LAMB4: variants seen among roughly 807,000 people sequenced by gnomAD.
LAMB4 encodes the protein laminin subunit beta 4, also known as laminin subunit beta-4.
LAMB4 carries 196 observed loss-of-function variants against 199.2 expected under a neutral mutation model. The observed-to-expected ratio is 0.98, with a 90% confidence interval of 0.88 to 1.11. The LOEUF (loss-of-function observed/expected upper bound fraction) is 1.11, where lower values mean the gene tolerates loss of function less well. Among genes scored for constraint, LAMB4 ranks in the 50% least tolerant of loss-of-function variants. The probability of loss-of-function intolerance (pLI) is 0.00; values close to 1 mark genes in which losing one functional copy is unlikely to be tolerated. For synonymous variants in LAMB4, 744 were observed against 770.6 expected (o/e 0.97, Z 0.57); for missense variants, 2,080 against 2,171.2 (o/e 0.96, Z 0.83).
intron 20 of LAMB4, among the ~76,000 whole-genome samples, 166 bp from the exon 21 acceptor site, chr7:108,066,085 A>G (rs1264640193): frequency 1.3e-5 from 2 of 152,214 alleles, no homozygotes; most frequent in Non-Finnish European, 2.9e-5. Flanking sequence ...CAAAAGTCTC[A>G]ACGTATGGTC....
At chr7:108,112,336 C>G (rs1244226517) in intron 3 of LAMB4, among the ~76,000 whole-genome samples, 1 of 148,402 alleles carries the variant, frequency 6.7e-6, no homozygotes, top group East Asian at 2.0e-4. Flanking sequence ...TTTTTTGAGA[C>G]AGAGTCTCAT....
At chr7:108,086,034 C>T (rs1185610350) in intron 14 of LAMB4, among the ~76,000 whole-genome samples, 1 of 152,210 alleles carries the variant, frequency 6.6e-6, no homozygotes, top group Non-Finnish European at 1.5e-5. Flanking sequence ...CAGCTGCCAG[C>T]TCCTGGGACT....
In LAMB4 at chr7:108,043,545, G is replaced by GTTTTTTT. The variant is rs748169558; in HGVS notation, c.4471+200_4471+206dup. ...AATATAATTTGGAACTGGCTATGAT[G>GTTTTTTT]TTTTTTTTTTTTTTTTTTTTTTTTT... On this transcript the variant is annotated intron_variant, in intron 29 of 33. Transcript: ENST00000388781. Among the ~76,000 whole-genome samples, 45 of 55,966 alleles carry GTTTTTTT rather than the reference G, an allele frequency of 8.0e-4. 4 individuals are homozygous for GTTTTTTT. Among genetic ancestry groups the GTTTTTTT allele is most frequent in the Non-Finnish European group, 1.1e-3 (39 of 34,510 alleles). The allele number at this position is 55,966 out of a possible 152,430, so 36.7% of individuals were successfully genotyped here. A position where few individuals can be genotyped will look rare whatever the true frequency, so the allele number is the denominator to read the frequency against.
At chr7:108,013,963 A>G in the LAMB4 span, among the ~76,000 whole-genome samples, 1 of 152,190 alleles carries the variant, frequency 6.6e-6, no homozygotes, top group African/African-American at 2.4e-5. Flanking sequence ...ATGACAAAAA[A>G]GTATGTAACT....
At position 108,092,362 on chromosome 7, in the gene LAMB4, C is replaced by A; in HGVS notation, c.1525G>T (p.Asp509Tyr). The stretch of plus-strand genomic sequence containing the variant: ...ACGTTAGAATAAGCACCTCCAATAT[C>A]ACAGTCACAGGGAGAACACCCATGG... ...HLHGCSPCDC[D>Y]IGGAYSNVCS... Residue 509 changes from aspartate (D) to tyrosine (Y), a missense_variant, in exon 13 of 34, where the codon GAT (aspartate) becomes TAT (tyrosine). Asp to Tyr is a radical substitution (Grantham distance 160). Coordinates refer to ENST00000388781, the MANE Select transcript of LAMB4 (RefSeq NM_007356.3). The A allele has an allele frequency of 6.2e-7, 1 of 1,613,932 alleles. No homozygotes were observed. Among genetic ancestry groups the A allele is most frequent in the African/African-American group, 1.3e-5 (1 of 75,014 alleles).
Position 108,106,032 on chromosome 7 carries a change from C to A in LAMB4, c.656-1G>T. ...CTCAGGTTTGTCAATGTCACAAGGTCTAAAGAAAGGAAAATAATGAATCAA... is the reference window on the plus strand; with the variant it reads ...CTCAGGTTTGTCAATGTCACAAGGTATAAAGAAAGGAAAATAATGAATCAA... On this transcript the variant is annotated splice_acceptor_variant, in intron 7 of 33. Coordinates refer to ENST00000388781, the MANE Select transcript of LAMB4 (RefSeq NM_007356.3). LOFTEE classifies it high-confidence loss of function. The A allele has an allele frequency of 6.2e-7, 1 of 1,610,780 alleles. No individual in the cohort carries two copies. The highest frequency in any genetic ancestry group is 1.1e-5 in the South Asian group (1 of 90,960).
intron 24 of LAMB4, 149 bp from the exon 25 acceptor site, chr7:108,056,156 T>G: frequency 1.4e-6 from 1 of 700,748 alleles, no homozygotes; most frequent in Non-Finnish European, 2.3e-6. Flanking sequence ...TTCAGAGATC[T>G]GTGCAATAGC....
chr7:108,094,327 G>A (rs2037517324), intron 12 of LAMB4, among the ~76,000 whole-genome samples: 1 of 152,194 alleles, frequency 6.6e-6, no homozygotes, highest in African/African-American at 2.4e-5. Flanking sequence ...GGTCATGGAG[G>A]TTGGCGTGGC....
Position 108,068,026 on chromosome 7 carries a change from G to C in LAMB4, c.2436C>G (p.His812Gln), listed in dbSNP as rs370747999. The change falls in exon 19 of 34, where the codon CAC (histidine) becomes CAG (glutamine). Residue 812 changes from histidine (H) to glutamine (Q), a missense_variant. Coordinates refer to ENST00000388781, the MANE Select transcript of LAMB4 (RefSeq NM_007356.3). ...TGTTTTGCTACGTACGGTGACAGCC[G>C]TGATGCCCCAAATCATAGCTTCCAG... The part of the protein sequence containing the change: ...CSTGSYDLGH[H>Q]GCHPCHCHPQ... The C allele has an allele frequency of 1.2e-6, 2 of 1,614,162 alleles. No homozygotes were observed. Among genetic ancestry groups the C allele is most frequent in the Admixed American group, 3.3e-5 (2 of 60,018 alleles).
At chr7:108,086,098 A>G (rs1057131084) in intron 14 of LAMB4, among the ~76,000 whole-genome samples, 1 of 152,110 alleles carries the variant, frequency 6.6e-6, no homozygotes, top group Non-Finnish European at 1.5e-5. Flanking sequence ...CTGTTGGCTG[A>G]TGAGAGCCAC....
intron 1 of LAMB4, among the ~76,000 whole-genome samples, chr7:108,126,518 G>A (rs1297216806): frequency 6.8e-6 from 1 of 146,734 alleles, no homozygotes; most frequent in African/African-American, 2.5e-5. Flanking sequence ...TGTCCTAAAG[G>A]TTCATCCATG....
At position 108,123,192 on chromosome 7, in the gene LAMB4, A is replaced by G; in HGVS notation, c.-28T>C. On this transcript the variant is annotated 5_prime_UTR_variant, in exon 2 of 34. Coordinates refer to ENST00000388781, the MANE Select transcript of LAMB4 (RefSeq NM_007356.3). ...TTTTGTCAGGAGATGATTAAATTCAATTCTACTGGGTTAAAAAAAGGTTAA... is the reference window on the plus strand; with the variant it reads ...TTTTGTCAGGAGATGATTAAATTCAGTTCTACTGGGTTAAAAAAAGGTTAA... 6.3e-7 allele frequency: 1 copy of G among 1,593,454 alleles called. No individual in the cohort carries two copies. The highest frequency in any genetic ancestry group is 1.1e-5 in the South Asian group (1 of 88,468).
chr7:108,055,171 T>C (rs1469219347), intron 25 of LAMB4, among the ~76,000 whole-genome samples: 1 of 149,214 alleles, frequency 6.7e-6, no homozygotes, highest in East Asian at 1.9e-4. Context: ...AAAGTAGACA[T>C]ACATGATTTC....
chr7:108,072,089 A>C (rs922156017), intron 17 of LAMB4, among the ~76,000 whole-genome samples: 2 of 152,190 alleles, frequency 1.3e-5, no homozygotes, highest in Admixed American at 6.5e-5. Context: ...TATTACAGGC[A>C]TTTAGAAGGT....
intron 3 of LAMB4, 84 bp downstream of exon 3, chr7:108,115,920 G>C: frequency 2.1e-6 from 3 of 1,411,274 alleles, no homozygotes; most frequent in Non-Finnish European, 2.9e-6. Context: ...CTCCTTTAAT[G>C]TCTGAGTAGC....
intron 14 of LAMB4, among the ~76,000 whole-genome samples, chr7:108,083,234 A>G (rs952610184): frequency 2.0e-5 from 3 of 152,164 alleles, no homozygotes; most frequent in African/African-American, 4.8e-5. Context: ...GTATGTTCAC[A>G]GTCTTGCTCC....
At chr7:108,023,191 GTA>G (rs1034928456), downstream of LAMB4, among the ~76,000 whole-genome samples, 4 of 152,148 alleles carry the variant, frequency 2.6e-5, no homozygotes, top group African/African-American at 9.7e-5. Context: ...CAATGTTGAT[GTA>G]TATTATTTCT....
At chr7:108,061,644 C>T (rs1310636507) in intron 23 of LAMB4, among the ~76,000 whole-genome samples, 1 of 150,098 alleles carries the variant, frequency 6.7e-6, no homozygotes, top group Non-Finnish European at 1.5e-5. Context: ...GAGGCTGACG[C>T]AGGAGAATCG....
At chr7:108,035,196 C>G (rs538265406) in intron 30 of LAMB4, among the ~76,000 whole-genome samples, 1 of 152,196 alleles carries the variant, frequency 6.6e-6, no homozygotes, top group Non-Finnish European at 1.5e-5. Flanking sequence ...TTTTTCTATT[C>G]CCTGCCACCA....
Sources: gnomAD v4.1 joint callset for allele counts (sites outside exome capture counted in the v4.1 genomes callset) on GRCh38, gnomAD v4.1.1 for gene constraint, MANE v1.5 for transcripts, NCBI Gene and HGNC (gene_info 2026-07-23, HGNC 2026-07-21) for gene names.